CNBD1: variants seen among roughly 807,000 people sequenced by gnomAD.
CNBD1 encodes cyclic nucleotide-binding domain-containing protein 1.
Under a neutral mutation model 54.4 loss-of-function variants are expected in CNBD1, and 71 were observed. The ratio of observed to expected loss-of-function variants is 1.30; its 90% CI spans 1.08 to 1.59. CNBD1 has a LOEUF of 1.59. Ranked by LOEUF, CNBD1 falls within the 40% of genes most tolerant of loss-of-function variation. CNBD1 has a pLI of 0.00. For synonymous variants in CNBD1, 182 were observed against 170.7 expected (o/e 1.07, Z -0.51); for missense variants, 659 against 518.0 (o/e 1.27, Z -2.64).
At chr8:86,930,766 T>C (rs1385008294) in intron 3 of CNBD1, among the ~76,000 whole-genome samples, 1 of 152,210 alleles carries the variant, frequency 6.6e-6, no homozygotes, top group African/African-American at 2.4e-5. Context: ...TCTCCTAGAA[T>C]TGGGGTGTTG....
At chr8:87,346,269 G>A (rs897514400) in intron 8 of CNBD1, among the ~76,000 whole-genome samples, 2 of 152,004 alleles carry the variant, frequency 1.3e-5, no homozygotes, top group African/African-American at 2.4e-5. Context: ...TTGAACTCCC[G>A]ACCTCCAGGT....
At chr8:87,225,882 G>T (rs1218298100) in intron 5 of CNBD1, among the ~76,000 whole-genome samples, 1 of 147,618 alleles carries the variant, frequency 6.8e-6, no homozygotes, top group Non-Finnish European at 1.5e-5. Flanking sequence ...GACTCTTTTT[G>T]GTTGGTAAGC....
intron 2 of CNBD1, among the ~76,000 whole-genome samples, chr8:87,421,606 C>T (rs1356935004): frequency 6.6e-6 from 1 of 152,044 alleles, no homozygotes; most frequent in African/African-American, 2.4e-5. Context: ...GACATGAACT[C>T]ATCATTTTTA....
intron 4 of CNBD1, among the ~76,000 whole-genome samples, chr8:86,941,454 C>T (rs768946076): frequency 2.0e-5 from 3 of 152,106 alleles, no homozygotes; most frequent in Non-Finnish European, 4.4e-5. Context: ...TTCCAGAAAC[C>T]CATGAATCAC....
At chr8:87,162,799 A>G (rs1357128507) in intron 4 of CNBD1, among the ~76,000 whole-genome samples, 1 of 151,944 alleles carries the variant, frequency 6.6e-6, no homozygotes, top group Non-Finnish European at 1.5e-5. Flanking sequence ...AAAGGGAGGG[A>G]AGTGCTATGG....
At chr8:86,999,689 C>T (rs1202763258) in intron 4 of CNBD1, among the ~76,000 whole-genome samples, 1 of 152,306 alleles carries the variant, frequency 6.6e-6, no homozygotes. Flanking sequence ...CTTATTTCCT[C>T]AAACTTCAGA....
In CNBD1 at chr8:87,024,932, C is replaced by T. The variant is rs185516452; in HGVS notation, c.431+85178C>T. On this transcript the variant is annotated intron_variant, in intron 4 of 10. Transcript: ENST00000518476. ...CTCAAGTTAAAGCATTTAAAAATAACTTTCCTGAGTGCATAGAAACTGACT... is the reference window on the plus strand; with the variant it reads ...CTCAAGTTAAAGCATTTAAAAATAATTTTCCTGAGTGCATAGAAACTGACT... Among the ~76,000 whole-genome samples, 18 of 152,222 alleles carry T rather than the reference C, an allele frequency of 1.2e-4. No individual in the cohort carries two copies. In the East Asian group the frequency reaches 3.3e-3, roughly 28 times the overall value.
At chr8:87,337,109 C>T (rs567729032) in intron 8 of CNBD1, among the ~76,000 whole-genome samples, 3 of 152,232 alleles carry the variant, frequency 2.0e-5, no homozygotes, top group Admixed American at 6.5e-5. Flanking sequence ...GGGGCACAGA[C>T]CTGATACCAG....
intron 8 of CNBD1, among the ~76,000 whole-genome samples, chr8:87,311,858 A>G (rs1298707324): frequency 6.6e-6 from 1 of 152,070 alleles, no homozygotes; most frequent in African/African-American, 2.4e-5. Context: ...GAAACCAAAT[A>G]CTGCATGTTC....
intron 5 of CNBD1, among the ~76,000 whole-genome samples, chr8:87,215,611 CT>C (rs1404872166): frequency 2.0e-5 from 3 of 149,484 alleles, no homozygotes; most frequent in Non-Finnish European, 3.0e-5. Context: ...AAAAGAGTTT[CT>C]TTTGGGAATG....
intron 8 of CNBD1, among the ~76,000 whole-genome samples, chr8:87,335,884 T>C (rs1229063239): frequency 1.3e-5 from 2 of 152,236 alleles, no homozygotes; most frequent in Non-Finnish European, 2.9e-5. Context: ...TCAGGAACTC[T>C]TGCAAGGCAG....
At chr8:86,937,401 T>C (rs1275100684) in intron 3 of CNBD1, among the ~76,000 whole-genome samples, 1 of 152,174 alleles carries the variant, frequency 6.6e-6, no homozygotes, top group Non-Finnish European at 1.5e-5. Flanking sequence ...CAAAATCTCA[T>C]GTCCTCCCAT....
At chr8:87,280,409 CTA>C in intron 6 of CNBD1, among the ~76,000 whole-genome samples, 1 of 151,400 alleles carries the variant, frequency 6.6e-6, no homozygotes, top group African/African-American at 2.4e-5. Flanking sequence ...TAATCACAAA[CTA>C]TGGAATAATA....
chr8:87,309,924 G>A (rs541379214), intron 8 of CNBD1, among the ~76,000 whole-genome samples: 1 of 152,240 alleles, frequency 6.6e-6, no homozygotes, highest in Non-Finnish European at 1.5e-5. Flanking sequence ...AAATGATTCT[G>A]TACCTAGAAA....
At chr8:87,227,273 T>C in intron 5 of CNBD1, among the ~76,000 whole-genome samples, 1 of 149,012 alleles carries the variant, frequency 6.7e-6, no homozygotes, top group East Asian at 2.0e-4. Context: ...GTGAATTTGA[T>C]CCTGTCATTA....
intron 2 of CNBD1, among the ~76,000 whole-genome samples, chr8:87,408,014 A>G (rs1807679156): frequency 6.6e-6 from 1 of 151,964 alleles, no homozygotes; most frequent in Non-Finnish European, 1.5e-5. Flanking sequence ...TATGAATAGT[A>G]TCTTTTTTGT....
chr8:86,868,946 A>AGG (rs1808402245), intron 1 of CNBD1, among the ~76,000 whole-genome samples: 1 of 75,016 alleles, frequency 1.3e-5, no homozygotes, highest in Non-Finnish European at 2.6e-5. Context: ...GAGGAAGGCG[A>AGG]GAGAGTCAGA....
At chr8:86,998,209 G>GTT (rs34866172) in intron 4 of CNBD1, among the ~76,000 whole-genome samples, 12 of 142,220 alleles carry the variant, frequency 8.4e-5, no homozygotes, top group African/African-American at 2.0e-4. Context: ...GTGTGTTTCT[G>GTT]TTTTTTTTTT....
chr8:87,078,528 T>A (rs1810921093), intron 4 of CNBD1, among the ~76,000 whole-genome samples: 1 of 152,152 alleles, frequency 6.6e-6, no homozygotes, highest in Non-Finnish European at 1.5e-5. Context: ...AAATAAACAT[T>A]ATTTGTTTGA....
Sources: gnomAD v4.1 joint callset for allele counts (sites outside exome capture counted in the v4.1 genomes callset) on GRCh38, gnomAD v4.1.1 for gene constraint, MANE v1.5 for transcripts, NCBI Gene and HGNC (gene_info 2026-07-23, HGNC 2026-07-21) for gene names.